HS6ST3: variants seen among roughly 807,000 people sequenced by gnomAD.
HS6ST3 encodes heparan-sulfate 6-O-sulfotransferase 3.
Under a neutral mutation model 36.7 loss-of-function variants are expected in HS6ST3, and 12 were observed. The observed-to-expected ratio is 0.33, with a 90% CI of 0.21 to 0.53. The LOEUF is 0.53. Among genes scored for constraint, HS6ST3 ranks in the 20% least tolerant of loss-of-function variants. HS6ST3 has a pLI of 0.95. For synonymous variants in HS6ST3, 240 were observed against 257.5 expected (o/e 0.93, Z 0.65); for missense variants, 584 against 640.9 (o/e 0.91, Z 0.96).
chr13:96,594,204 T>G (rs2056393641), intron 1 of HS6ST3, among the ~76,000 whole-genome samples: 1 of 152,028 alleles, frequency 6.6e-6, no homozygotes, highest in Non-Finnish European at 1.5e-5. Flanking sequence ...ACTCCCAACT[T>G]CAGGTGATAT....
chr13:96,136,162 C>G (rs900730184), intron 1 of HS6ST3, among the ~76,000 whole-genome samples: 2 of 152,164 alleles, frequency 1.3e-5, no homozygotes, highest in Non-Finnish European at 2.9e-5. Flanking sequence ...TTAGAAGTTT[C>G]TGTGATTCTT....
In HS6ST3 at chr13:96,121,560, A is replaced by C. The variant is rs2053925438; in HGVS notation, c.707+29991A>C. 6.6e-5 allele frequency among the ~76,000 whole-genome samples: 10 copies of C among 152,354 alleles called. No homozygotes were observed. The South Asian group carries it at 1.9e-3, about 28-fold the overall frequency. On this transcript the variant is annotated intron_variant, in intron 1 of 1. Transcript: ENST00000376705. Reference sequence around the variant, plus strand: ...GAAGCAGTAGATGGCCACAATTGCTAATAGCCCGAACCAGTTCATAACAGC... The same window carrying C: ...GAAGCAGTAGATGGCCACAATTGCTCATAGCCCGAACCAGTTCATAACAGC...
At chr13:96,319,151 G>T (rs1457848165) in intron 1 of HS6ST3, among the ~76,000 whole-genome samples, 1 of 152,158 alleles carries the variant, frequency 6.6e-6, no homozygotes, top group Non-Finnish European at 1.5e-5. Context: ...GCAATCACCA[G>T]TCTACTTTCT....
At chr13:96,468,184 C>T (rs1485611451) in intron 1 of HS6ST3, among the ~76,000 whole-genome samples, 1 of 152,092 alleles carries the variant, frequency 6.6e-6, no homozygotes, top group Admixed American at 6.6e-5. Context: ...TGTACATGTT[C>T]CCAAATAAGA....
At chr13:96,742,148 A>G (rs1167297576) in intron 1 of HS6ST3, among the ~76,000 whole-genome samples, 1 of 152,164 alleles carries the variant, frequency 6.6e-6, no homozygotes, top group Non-Finnish European at 1.5e-5. Flanking sequence ...ATAAGTGGCT[A>G]TGAAATAAAC....
At chr13:96,344,473 A>G (rs907516179) in intron 1 of HS6ST3, among the ~76,000 whole-genome samples, 5 of 152,196 alleles carry the variant, frequency 3.3e-5, no homozygotes, top group Non-Finnish European at 7.3e-5. Context: ...CAAACTTACA[A>G]TCTTTGTATC....
chr13:96,460,181 GTGT>G (rs1399477886), intron 1 of HS6ST3, among the ~76,000 whole-genome samples: 1 of 152,004 alleles, frequency 6.6e-6, no homozygotes, highest in Non-Finnish European at 1.5e-5. Context: ...ATTTTTCTAT[GTGT>G]TTCTAACCCC....
chr13:96,197,126 A>G (rs2054318242), intron 1 of HS6ST3, among the ~76,000 whole-genome samples: 1 of 152,220 alleles, frequency 6.6e-6, no homozygotes, highest in Admixed American at 6.5e-5. Context: ...TTTAGGGCCA[A>G]AGTACATCTG....
intron 1 of HS6ST3, among the ~76,000 whole-genome samples, chr13:96,257,839 A>T (rs1402106234): frequency 1.3e-5 from 2 of 152,248 alleles, no homozygotes; most frequent in East Asian, 3.8e-4. Flanking sequence ...TAGGAAATAC[A>T]TTCCACAGGA....
chr13:96,425,155 G>A (rs2055580391), intron 1 of HS6ST3, among the ~76,000 whole-genome samples: 1 of 152,136 alleles, frequency 6.6e-6, no homozygotes, highest in Non-Finnish European at 1.5e-5. Flanking sequence ...ACCTGTCGAA[G>A]CCTCTTCTCT....
intron 1 of HS6ST3, among the ~76,000 whole-genome samples, chr13:96,483,526 A>G (rs2055899680): frequency 6.6e-6 from 1 of 152,244 alleles, no homozygotes; most frequent in African/African-American, 2.4e-5. Flanking sequence ...TAACATGATT[A>G]GACTTTTATT....
At chr13:96,697,664 A>G (rs1875165910) in intron 1 of HS6ST3, among the ~76,000 whole-genome samples, 2 of 152,242 alleles carry the variant, frequency 1.3e-5, no homozygotes, top group Non-Finnish European at 2.9e-5. Flanking sequence ...GAAGGAGGTC[A>G]TAATCAGCAA....
chr13:96,638,875 AT>A (rs2056559807), intron 1 of HS6ST3, among the ~76,000 whole-genome samples: 1 of 151,920 alleles, frequency 6.6e-6, no homozygotes, highest in Non-Finnish European at 1.5e-5. Flanking sequence ...TAAAAAAAAA[AT>A]AAGATACACT....
intron 1 of HS6ST3, among the ~76,000 whole-genome samples, chr13:96,325,188 T>G (rs1272853680): frequency 6.6e-6 from 1 of 152,194 alleles, no homozygotes; most frequent in Non-Finnish European, 1.5e-5. Context: ...AAAGATCATA[T>G]TGTATTATTT....
At position 96,479,803 on chromosome 13, in the gene HS6ST3, T is replaced by G. The variant is rs965512057; in HGVS notation, c.708-352687T>G. 4.6e-5 allele frequency among the ~76,000 whole-genome samples: 7 copies of G among 152,322 alleles called. No homozygotes were observed. In the South Asian group the frequency reaches 6.2e-4, roughly 14 times the overall value. ...AGGTCTAGGTAACTCTTTTGGGCACTCGTCCTACATGCTTAGCAATGCAGT... is the reference window on the plus strand; with the variant it reads ...AGGTCTAGGTAACTCTTTTGGGCACGCGTCCTACATGCTTAGCAATGCAGT... On this transcript the variant is annotated intron_variant, in intron 1 of 1. Coordinates refer to ENST00000376705, the MANE Select transcript of HS6ST3 (RefSeq NM_153456.4).
At chr13:96,269,576 T>C (rs879661088) in intron 1 of HS6ST3, among the ~76,000 whole-genome samples, 14 of 152,004 alleles carry the variant, frequency 9.2e-5, no homozygotes, top group Non-Finnish European at 1.9e-4. Context: ...AATCTGTAAC[T>C]GAAAAATTGT....
intron 1 of HS6ST3, among the ~76,000 whole-genome samples, chr13:96,501,082 A>G (rs1018405184): frequency 1.3e-5 from 2 of 152,180 alleles, no homozygotes; most frequent in African/African-American, 4.8e-5. Flanking sequence ...TCTACTGACT[A>G]TAAAATGCCT....
chr13:96,397,690 A>G (rs2055429166), intron 1 of HS6ST3, among the ~76,000 whole-genome samples: 5 of 152,222 alleles, frequency 3.3e-5, no homozygotes, highest in Admixed American at 3.3e-4. Context: ...CAAACAAAAC[A>G]TAGAGAGACA....
intron 1 of HS6ST3, among the ~76,000 whole-genome samples, chr13:96,203,419 C>T (rs1235763311): frequency 6.6e-6 from 1 of 152,168 alleles, no homozygotes; most frequent in African/African-American, 2.4e-5. Flanking sequence ...ATGCTCTAAT[C>T]GTACCTCAAA....
Sources: gnomAD v4.1 joint callset for allele counts (sites outside exome capture counted in the v4.1 genomes callset) on GRCh38, gnomAD v4.1.1 for gene constraint, MANE v1.5 for transcripts, NCBI Gene and HGNC (gene_info 2026-07-23, HGNC 2026-07-21) for gene names.